ITSN2: variants seen among roughly 807,000 people sequenced by gnomAD.
The protein encoded by ITSN2 is intersectin 2, also known as intersectin-2.
ITSN2 carries 156 observed loss-of-function variants against 243.7 expected under a neutral mutation model. That is an observed-to-expected ratio of 0.64 (90% CI 0.56 to 0.73). ITSN2 has a LOEUF of 0.73. Ranked by LOEUF, ITSN2 falls within the 30% of genes least tolerant of loss-of-function variation. The pLI is 0.00. For synonymous variants in ITSN2, 703 were observed against 699.9 expected (o/e 1.00, Z -0.07); for missense variants, 1,801 against 1,996.1 (o/e 0.90, Z 1.86).
intron 2 of ITSN2, among the ~76,000 whole-genome samples, chr2:24,323,625 T>C (rs927037893): frequency 1.3e-5 from 2 of 152,188 alleles, no homozygotes; most frequent in Non-Finnish European, 2.9e-5. Flanking sequence ...GCAAATGTTT[T>C]ATATCCTAAT....
chr2:24,221,350 A>C lies in ITSN2; in HGVS notation c.3578-284T>G, dbSNP rs1670434865. 16 of 328,444 alleles carry C rather than the reference A, an allele frequency of 4.9e-5. No homozygotes were observed. The South Asian group carries it at 6.4e-4, about 13-fold the overall frequency. 20.3% of individuals were successfully genotyped at this position (328,444 alleles called of 1,614,324 possible). On this transcript the variant is annotated intron_variant, in intron 29 of 39. Coordinates refer to ENST00000355123, the MANE Select transcript of ITSN2 (RefSeq NM_006277.3). ...TGCAGAGCGTGTGAAGAATCTCACC[A>C]CCTCAAGACATTTTTCGAAGTTACT...
chr2:24,252,401 T>C lies in ITSN2; in HGVS notation c.3064A>G (p.Ile1022Val), dbSNP rs748794693. The stretch of plus-strand genomic sequence containing the variant: ...GGAAAAATTCCACTTCTATCTCCAA[T>C]ACTTCCTGTCCACCACTCTCCATCT... ...QKDGEWWTGS[I>V]GDRSGIFPSN... Residue 1022 changes from isoleucine to valine, a missense_variant, in exon 25 of 40, where the codon ATT (isoleucine) becomes GTT (valine). Ile to Val is a conservative substitution (Grantham distance 29). Transcript: ENST00000355123. 1.9e-5 allele frequency: 30 copies of C among 1,613,284 alleles called. No individual in the cohort carries two copies. The highest frequency in any genetic ancestry group is 2.3e-5 in the Non-Finnish European group (27 of 1,179,352).
At chr2:24,289,479 G>T (rs1233433166) in intron 15 of ITSN2, among the ~76,000 whole-genome samples, 1 of 152,166 alleles carries the variant, frequency 6.6e-6, no homozygotes, top group African/African-American at 2.4e-5. Context: ...CTCAATTCAT[G>T]TATTAGTTCT....
rs193226004 is a variant in ITSN2 at position 24,357,066 on chromosome 2, G to A, written c.-34+3238C>T. On this transcript the variant is annotated intron_variant, in intron 1 of 39. Coordinates refer to ENST00000355123, the MANE Select transcript of ITSN2 (RefSeq NM_006277.3). ...GTTCAACCATAGTGGAAGATAGTAT[G>A]GCAATTCCTCAAGGATCTAGAACCA... Among the ~76,000 whole-genome samples the A allele has an allele frequency of 9.2e-5, 14 of 152,312 alleles. No individual in the cohort carries two copies. In the East Asian group the frequency reaches 2.5e-3, roughly 27 times the overall value.
At position 24,208,296 on chromosome 2, in the gene ITSN2, T is replaced by C; in HGVS notation, c.4619A>G (p.Lys1540Arg). ...GTCGATGTACTGCTCAGACGCCGCC[T>C]TGATCTTCTGCACCCAGGCGGTCCT... is the stretch of plus-strand genomic sequence containing the variant. ...NERTAWVQKI[K>R]AASEQYIDTE... Residue 1540 changes from lysine to arginine, a missense_variant, in exon 37 of 40, where the codon AAG (lysine) becomes AGG (arginine). This residue lies in a region of ITSN2 where 928 missense variants were observed against 1,065.4 expected (regional missense o/e 0.87). Coordinates refer to ENST00000355123, the MANE Select transcript of ITSN2 (RefSeq NM_006277.3). 1 of 1,612,486 alleles carries C rather than the reference T, an allele frequency of 6.2e-7. No individual in the cohort carries two copies.
At chr2:24,340,660 G>A (rs1686950806) in intron 1 of ITSN2, among the ~76,000 whole-genome samples, 1 of 151,944 alleles carries the variant, frequency 6.6e-6, no homozygotes, top group South Asian at 2.1e-4. Context: ...TCATATGAAT[G>A]GAATTATGTA....
intron 1 of ITSN2, among the ~76,000 whole-genome samples, chr2:24,343,495 T>C (rs1687242002): frequency 6.6e-6 from 1 of 152,228 alleles, no homozygotes; most frequent in South Asian, 2.1e-4. Flanking sequence ...TTTCCCTTCA[T>C]GTTCATTTTA....
intron 29 of ITSN2, among the ~76,000 whole-genome samples, chr2:24,235,259 T>C (rs910378981): frequency 1.3e-5 from 2 of 152,066 alleles, no homozygotes; most frequent in Non-Finnish European, 2.9e-5. Context: ...GTGATTCCAA[T>C]CATATGATAT....
At chr2:24,360,850 G>C (rs2551153), upstream of ITSN2, 149,277 of 152,644 alleles carry the variant, frequency 0.98, 72,990 homozygotes, top group East Asian at 0.99. Context: ...CACGGCAGAC[G>C]CCGGGGTTTT....
chr2:24,247,173 G>A (rs1394108464), intron 27 of ITSN2, among the ~76,000 whole-genome samples: 1 of 152,130 alleles, frequency 6.6e-6, no homozygotes, highest in Admixed American at 6.5e-5. Context: ...TACCTTGGTA[G>A]GGGATGGAGA....
At chr2:24,239,555 A>G (rs2151247766) in intron 29 of ITSN2, 1 of 152,200 alleles carries the variant, frequency 6.6e-6, no homozygotes, top group African/African-American at 2.4e-5. Flanking sequence ...TTTAAAAGTG[A>G]TTATTATACA....
chr2:24,225,649 T>C lies in ITSN2; in HGVS notation c.3578-4583A>G, dbSNP rs1670958322. Among the ~76,000 whole-genome samples the C allele has an allele frequency of 6.6e-6, 1 of 152,146 alleles. No individual in the cohort carries two copies. The highest frequency in any genetic ancestry group is 2.4e-5 in the African/African-American group (1 of 41,444). On this transcript the variant is annotated intron_variant, in intron 29 of 39. Coordinates refer to ENST00000355123, the MANE Select transcript of ITSN2 (RefSeq NM_006277.3). This position sits in a 1 kb window ranked among gnomAD's most constrained non-coding sequence, Gnocchi z 4.2. Reference sequence around the variant, plus strand: ...CCCCCCAGTCCAGCAAATGCCAAAATAGGCTCCTGATGCTCCTGTCCTGTG... The same window carrying C: ...CCCCCCAGTCCAGCAAATGCCAAAACAGGCTCCTGATGCTCCTGTCCTGTG...
chr2:24,315,607 C>G (rs1248591837), intron 2 of ITSN2, among the ~76,000 whole-genome samples: 2 of 152,208 alleles, frequency 1.3e-5, no homozygotes, highest in Non-Finnish European at 2.9e-5. Context: ...TGTGTCCCCA[C>G]CAGAACCTCA....
intron 1 of ITSN2, among the ~76,000 whole-genome samples, chr2:24,350,076 A>C (rs138482525): frequency 5.1e-4 from 77 of 152,328 alleles, no homozygotes; most frequent in African/African-American, 1.8e-3. Context: ...TGTGAATACT[A>C]AATTTCAGTA....
chr2:24,205,146 C>G, intron 38 of ITSN2, 68 bp downstream of exon 38: 1 of 1,368,846 alleles, frequency 7.3e-7, no homozygotes. Flanking sequence ...GACTCTGTCT[C>G]AAAAAGTCAT....
At chr2:24,224,934 C>T (rs931115901) in intron 29 of ITSN2, among the ~76,000 whole-genome samples, 5 of 152,098 alleles carry the variant, frequency 3.3e-5, no homozygotes, top group African/African-American at 9.7e-5. Context: ...CTGGCCTGCT[C>T]TTAAATTTTT....
At chr2:24,288,097 C>T (rs1407361336) in intron 15 of ITSN2, among the ~76,000 whole-genome samples, 1 of 152,058 alleles carries the variant, frequency 6.6e-6, no homozygotes, top group Non-Finnish European at 1.5e-5. Flanking sequence ...TCCAAAAAAT[C>T]ACTGCCAAGG....
At chr2:24,288,357 CTATTTCA>C (rs1415901375) in intron 15 of ITSN2, among the ~76,000 whole-genome samples, 1 of 151,976 alleles carries the variant, frequency 6.6e-6, no homozygotes. Flanking sequence ...GCTCTCTATT[CTATTTCA>C]TAAGTCTGTA....
chr2:24,242,465 A>C (rs946659043), intron 29 of ITSN2, among the ~76,000 whole-genome samples: 1 of 152,194 alleles, frequency 6.6e-6, no homozygotes, highest in Non-Finnish European at 1.5e-5. Flanking sequence ...ATCTATAAAA[A>C]GCTGGGTAGG....
Sources: allele counts gnomAD v4.1 joint callset (sites outside exome capture counted in the v4.1 genomes callset), GRCh38; gene constraint gnomAD v4.1.1; regional missense constraint gnomAD v4.1.1; non-coding constraint Gnocchi (gnomAD v3.1); transcripts MANE v1.5; gene names NCBI Gene and HGNC (gene_info 2026-07-23, HGNC 2026-07-21).